Variants in HLF observed in about 807,000 individuals in gnomAD.
The protein encoded by HLF is hepatic leukemia factor.
Under a neutral mutation model 22.6 loss-of-function variants are expected in HLF, and 3 were observed. The observed-to-expected ratio is 0.13, with a 90% CI of 0.06 to 0.34. The LOEUF is 0.34. Among genes scored for constraint, HLF ranks in the 10% least tolerant of loss-of-function variants. The pLI is 1.00. For missense variants in HLF, 299 were observed against 389.2 expected (o/e 0.77, Z 1.95); for synonymous variants, 151 against 151.8 (o/e 0.99, Z 0.04).
intron 2 of HLF, among the ~76,000 whole-genome samples, chr17:55,278,732 T>C (rs2080928082): frequency 6.6e-6 from 1 of 152,254 alleles, no homozygotes. Context: ...CCCTGAGGAT[T>C]GAGCAGAAGA....
rs571424520 is a variant in HLF, at chr17:55,287,256, TC to T, written c.451+19175del. 3.6e-3 allele frequency among the ~76,000 whole-genome samples: 542 copies of T among 152,322 alleles called. 1 individual carries two copies. The highest frequency in any genetic ancestry group is 6.8e-3 in the Admixed American group (104 of 15,296). On this transcript the variant is annotated intron_variant, in intron 2 of 3. Transcript: ENST00000226067. ...TCAGAAGTTTTATTTGGAGCTTTGC[TC>T]CCCCTTCCCCTTGTAAATAAGACCA... is the stretch of plus-strand genomic sequence containing the variant.
Position 55,267,806 on chromosome 17 carries a change from G to A in HLF, c.171G>A (p.Pro57=), listed in dbSNP as rs1486487715. ...EKKLDDESNS[P]TVPQSAFLGP... ...AGCTGGATGATGAGAGTAACAGCCC[G>A]ACGGTCCCCCAGTCGGCATTCCTGG... is the stretch of plus-strand genomic sequence containing the variant. Residue 57 remains proline (P), a synonymous_variant, in exon 2 of 4, where the codon CCG becomes CCA. Transcript: ENST00000226067. The A allele has an allele frequency of 5.0e-6, 8 of 1,610,700 alleles. No individual in the cohort carries two copies. In the East Asian group the frequency reaches 6.7e-5, roughly 14 times the overall value.
At chr17:55,312,779 C>T (rs141659175) in intron 2 of HLF, among the ~76,000 whole-genome samples, 22 of 152,232 alleles carry the variant, frequency 1.4e-4, no homozygotes, top group East Asian at 9.6e-4. Flanking sequence ...GTTAACATTT[C>T]GCAGCGAACA....
At chr17:55,267,655 AAT>A (rs1176143762) in intron 1 of HLF, 94 bp from the exon 2 acceptor site, 12 of 838,756 alleles carry the variant, frequency 1.4e-5, no homozygotes, top group Non-Finnish European at 5.4e-6. Context: ...ATTCGTGAGA[AAT>A]AGTCTTATAA....
chr17:55,319,706 C>T (rs1194751229), intron 3 of HLF, among the ~76,000 whole-genome samples: 3 of 151,704 alleles, frequency 2.0e-5, no homozygotes, highest in East Asian at 3.9e-4. Flanking sequence ...CATTGATTAG[C>T]GGCAGGTTGA....
intron 2 of HLF, among the ~76,000 whole-genome samples, chr17:55,311,676 T>G (rs1411130362): frequency 6.6e-6 from 1 of 152,206 alleles, no homozygotes; most frequent in South Asian, 2.1e-4. Flanking sequence ...AATTTATTAT[T>G]ATTTTTAATT....
chr17:55,323,926 A>G lies in HLF; in HGVS notation c.*3047A>G, dbSNP rs1905359207. On this transcript the variant is annotated 3_prime_UTR_variant, in exon 4 of 4. Coordinates refer to ENST00000226067, the MANE Select transcript of HLF (RefSeq NM_002126.5). ...CATCTAGACATGATTTGGAAGGAAC[A>G]GCTTAGGACCTCCTGATGAGGTCAC... The G allele has an allele frequency of 4.4e-6, 1 of 229,230 alleles. No homozygotes were observed. The allele number at this position is 229,230 out of a possible 1,614,324, so 14.2% of individuals were successfully genotyped here.
At chr17:55,310,463 G>A (rs1904778529) in intron 2 of HLF, among the ~76,000 whole-genome samples, 1 of 152,180 alleles carries the variant, frequency 6.6e-6, no homozygotes, top group Admixed American at 6.5e-5. Context: ...TGGAAGAATT[G>A]GAACTGCCTT....
intron 2 of HLF, among the ~76,000 whole-genome samples, chr17:55,314,007 T>C (rs1210352489): frequency 6.6e-6 from 1 of 152,160 alleles, no homozygotes; most frequent in Non-Finnish European, 1.5e-5. Context: ...TAAAGAATAC[T>C]TCACACATTG....
chr17:55,313,419 G>A (rs1904929343), intron 2 of HLF, among the ~76,000 whole-genome samples: 1 of 151,278 alleles, frequency 6.6e-6, no homozygotes, highest in Non-Finnish European at 1.5e-5. Context: ...CAATAAAGGA[G>A]AACATTTTGA....
At chr17:55,301,174 A>G (rs1240772455) in intron 2 of HLF, among the ~76,000 whole-genome samples, 2 of 152,170 alleles carry the variant, frequency 1.3e-5, no homozygotes, top group African/African-American at 4.8e-5. Context: ...TTCAACTCCA[A>G]CCTGTGACTC....
At chr17:55,292,675 AGAGATACCG>A (rs2081074971) in intron 2 of HLF, among the ~76,000 whole-genome samples, 2 of 152,200 alleles carry the variant, frequency 1.3e-5, no homozygotes, top group African/African-American at 4.8e-5. Context: ...AGTCTTTCAA[AGAGATACCG>A]GCATTCCATG....
At chr17:55,314,227 T>A (rs1207748047) in intron 2 of HLF, among the ~76,000 whole-genome samples, 1 of 152,206 alleles carries the variant, frequency 6.6e-6, no homozygotes. Context: ...AGAAACCCAT[T>A]GTTCTCTGGA....
At chr17:55,319,871 T>C (rs1050426788) in intron 3 of HLF, among the ~76,000 whole-genome samples, 1 of 152,210 alleles carries the variant, frequency 6.6e-6, no homozygotes, top group African/African-American at 2.4e-5. Context: ...TAGATTAGTA[T>C]AAATCTTTTT....
intron 2 of HLF, among the ~76,000 whole-genome samples, chr17:55,277,830 A>G (rs2080920014): frequency 6.6e-6 from 1 of 152,236 alleles, no homozygotes; most frequent in Non-Finnish European, 1.5e-5. Flanking sequence ...GAGTGTTGGC[A>G]GAATCGAGTG....
chr17:55,285,474 A>G (rs1473548856), intron 2 of HLF, among the ~76,000 whole-genome samples: 2 of 152,162 alleles, frequency 1.3e-5, no homozygotes, highest in East Asian at 3.8e-4. Flanking sequence ...CAGGCCTGCA[A>G]TGCCTCTGCC....
In HLF at chr17:55,285,776, C is replaced by T. The variant is rs114745810; in HGVS notation, c.451+17690C>T. 2.9e-3 allele frequency among the ~76,000 whole-genome samples: 448 copies of T among 152,342 alleles called. 2 individuals carry two copies. Among genetic ancestry groups the T allele is most frequent in the African/African-American group, 0.011 (437 of 41,582 alleles). On this transcript the variant is annotated intron_variant, in intron 2 of 3. Transcript: ENST00000226067. ...CTTCGGAACACACTTTCGCATCACT[C>T]CTTGGCAGAACATCCACGGTGGTGT...
intron 2 of HLF, among the ~76,000 whole-genome samples, chr17:55,307,752 GC>G (rs1229282462): frequency 1.3e-5 from 2 of 151,394 alleles, no homozygotes; most frequent in Non-Finnish European, 2.9e-5. Context: ...GTTCTGTGGG[GC>G]TTACATGGGA....
chr17:55,313,429 A>G (rs891352421), intron 2 of HLF, among the ~76,000 whole-genome samples: 1 of 151,808 alleles, frequency 6.6e-6, no homozygotes, highest in Non-Finnish European at 1.5e-5. Flanking sequence ...GAACATTTTG[A>G]TACAGCATAA....
Sources: gnomAD v4.1 joint callset for allele counts (sites outside exome capture counted in the v4.1 genomes callset) on GRCh38, gnomAD v4.1.1 for gene constraint, MANE v1.5 for transcripts, NCBI Gene and HGNC (gene_info 2026-07-23, HGNC 2026-07-21) for gene names.